CHRDL1: variants seen among roughly 807,000 people sequenced by gnomAD.
CHRDL1 encodes the protein chordin-like protein 1.
CHRDL1 carries 19 observed loss-of-function variants against 40.9 expected under a neutral mutation model. The ratio of observed to expected loss-of-function variants is 0.46; its 90% confidence interval spans 0.32 to 0.68. The LOEUF (loss-of-function observed/expected upper bound fraction) is 0.68, where lower values mean the gene tolerates loss of function less well. Among genes scored for constraint, CHRDL1 ranks in the 30% least tolerant of loss-of-function variants. The probability of loss-of-function intolerance (pLI) is 0.03; values close to 1 mark genes in which losing one functional copy is unlikely to be tolerated. For synonymous variants in CHRDL1, 136 were observed against 123.4 expected, an observed-to-expected ratio of 1.10 and a Z score of -0.68; for missense variants, 329 against 352.1, an observed-to-expected ratio of 0.93 and a Z score of 0.53.
intron 6 of CHRDL1, among the ~76,000 whole-genome samples, chrX:110,711,831 CACTG>C (rs2070751691): frequency 8.9e-6 from 1 of 112,179 alleles, no homozygotes; most frequent in African/African-American, 3.2e-5. Flanking sequence ...TTATCTTGAA[CACTG>C]ACTAATATAC....
At chrX:110,727,437 G>A (rs1294682277) in intron 4 of CHRDL1, among the ~76,000 whole-genome samples, 2 of 112,248 alleles carry the variant, frequency 1.8e-5, no homozygotes, top group African/African-American at 6.5e-5. Flanking sequence ...ATAAGACACT[G>A]TAAAACACTG....
chrX:110,743,002 C>A (rs990090765), intron 4 of CHRDL1, among the ~76,000 whole-genome samples: 1 of 111,872 alleles, frequency 8.9e-6, no homozygotes, highest in African/African-American at 3.3e-5. Context: ...TGCCATACAC[C>A]ACAGTAACCA....
chrX:110,760,747 T>C (rs1011448979), intron 3 of CHRDL1, among the ~76,000 whole-genome samples: 35 of 112,092 alleles, frequency 3.1e-4, no homozygotes, highest in African/African-American at 1.1e-3. Flanking sequence ...GCTTCTTTTA[T>C]CCAAATTGGA....
chrX:110,752,511 C>G (rs2089377022), intron 4 of CHRDL1, among the ~76,000 whole-genome samples: 1 of 111,456 alleles, frequency 9.0e-6, no homozygotes, highest in Non-Finnish European at 1.9e-5. Context: ...CATGGAGGGT[C>G]TAGTGATCAA....
chrX:110,751,721 A>G (rs1408466125), intron 4 of CHRDL1, among the ~76,000 whole-genome samples: 1 of 111,783 alleles, frequency 8.9e-6, no homozygotes, highest in Non-Finnish European at 1.9e-5. Flanking sequence ...GAGGCTTCTT[A>G]AAAAAGCTAC....
Position 110,689,456 on chromosome X carries a change from ATC to A in CHRDL1, c.779-655_779-654del, listed in dbSNP as rs1175694093. Among the ~76,000 whole-genome samples, 17 of 56,015 alleles carry A rather than the reference ATC, an allele frequency of 3.0e-4. 1 individual carries two copies. The African/African-American group carries it at 3.6e-3, about 12-fold the overall frequency. 48.6% of individuals were successfully genotyped at this position (56,015 alleles called of 115,157 possible). On this transcript the variant is annotated intron_variant, in intron 8 of 11. Transcript: ENST00000372042. Reference sequence around the variant, plus strand: ...TCTATATATCTATATATATCTATATATCTATATATATCTATATATCTATATAT... The same window carrying A: ...TCTATATATCTATATATATCTATATATATATATATCTATATATCTATATAT...
chrX:110,697,172 C>T lies in CHRDL1; in HGVS notation c.610-2841G>A, dbSNP rs775806714. 2.7e-5 allele frequency among the ~76,000 whole-genome samples: 3 copies of T among 110,960 alleles called. No homozygotes were observed. In the South Asian group the frequency reaches 1.2e-3, roughly 43 times the overall value. On this transcript the variant is annotated intron_variant, in intron 7 of 11. Coordinates refer to ENST00000372042, the MANE Select transcript of CHRDL1 (RefSeq NM_001143981.2). The stretch of plus-strand genomic sequence containing the variant: ...TTTTTTGATTTACTTACTTGAAAGA[C>T]TGAAAAATATTTCAGGCTTTAGAGG...
chrX:110,681,698 A>T (rs1176124005), intron 9 of CHRDL1, 49 bp from the exon 10 acceptor site: 7 of 971,976 alleles, frequency 7.2e-6, no homozygotes, highest in Non-Finnish European at 8.7e-6. Context: ...CTAAAGCTAG[A>T]AGTGAACTTC....
rs373015261 is a variant in CHRDL1, at chrX:110,787,249, T to A, written c.94+4839A>T. Among the ~76,000 whole-genome samples the A allele has an allele frequency of 1.3e-4, 14 of 111,316 alleles. No individual in the cohort carries two copies. In the East Asian group the frequency reaches 1.4e-3, roughly 11 times the overall value. On this transcript the variant is annotated intron_variant, in intron 2 of 11. Transcript: ENST00000372042. ...CAAATGACAATGCTCACGCTCATTA[T>A]GCTATTATTTCCCCCACTGTACTGA... is the stretch of plus-strand genomic sequence containing the variant.
chrX:110,688,588 A>G lies in CHRDL1; in HGVS notation c.988+6T>C. 2 of 1,199,537 alleles carry G rather than the reference A, an allele frequency of 1.7e-6. No individual in the cohort carries two copies. The highest frequency in any genetic ancestry group is 3.5e-5 in the South Asian group (2 of 56,666). On this transcript the variant is annotated splice_donor_region_variant and intron_variant, in intron 9 of 11. Coordinates refer to ENST00000372042, the MANE Select transcript of CHRDL1 (RefSeq NM_001143981.2). ...CAACCAAAAGCAGGGCCTCCAACCA[A>G]CGCACCTTTTGCTTTTTTACCTGGA...
chrX:110,757,694 G>C (rs2089478916), intron 4 of CHRDL1, among the ~76,000 whole-genome samples: 1 of 111,805 alleles, frequency 8.9e-6, no homozygotes, highest in African/African-American at 3.2e-5. Context: ...AGAAGGAAAA[G>C]AAAAGGAATA....
chrX:110,700,558 C>G (rs760619012), intron 7 of CHRDL1, 96 bp downstream of exon 7: 2 of 598,973 alleles, frequency 3.3e-6, no homozygotes, highest in South Asian at 5.6e-5. Flanking sequence ...AGAAATCGGG[C>G]CTTTTTTTTG....
intron 7 of CHRDL1, 123 bp downstream of exon 7, chrX:110,700,531 G>A: frequency 2.0e-6 from 1 of 511,999 alleles, no homozygotes; most frequent in Non-Finnish European, 3.4e-6. Flanking sequence ...TTGAGAAAAG[G>A]GAAGAAAAAT....
chrX:110,711,738 G>C (rs1448702548), intron 6 of CHRDL1, among the ~76,000 whole-genome samples: 1 of 111,809 alleles, frequency 8.9e-6, no homozygotes, highest in Non-Finnish European at 1.9e-5. Context: ...TGAAGATCCC[G>C]GATTCTAGCT....
intron 4 of CHRDL1, among the ~76,000 whole-genome samples, chrX:110,722,197 A>ATC (rs1430887818): frequency 9.2e-6 from 1 of 109,004 alleles, no homozygotes; most frequent in Admixed American, 9.7e-5. Flanking sequence ...GGGTTTCACC[A>ATC]TGTTGACCAG....
At chrX:110,721,642 C>A in intron 4 of CHRDL1, 112 bp from the exon 5 acceptor site, 1 of 575,487 alleles carries the variant, frequency 1.7e-6, no homozygotes. Flanking sequence ...TAAGACAGTC[C>A]CCGCTCCAGT....
At chrX:110,787,978 G>A (rs2090043020) in intron 2 of CHRDL1, among the ~76,000 whole-genome samples, 1 of 112,392 alleles carries the variant, frequency 8.9e-6, no homozygotes, top group African/African-American at 3.2e-5. Context: ...AAACTCTTCA[G>A]CCCATTTATC....
chrX:110,742,141 A>T (rs966874395), intron 4 of CHRDL1, among the ~76,000 whole-genome samples: 7 of 112,290 alleles, frequency 6.2e-5, no homozygotes, highest in Admixed American at 3.8e-4. Flanking sequence ...CTTACTTTCT[A>T]AAGTAACCAG....
At chrX:110,783,286 C>T (rs2089972718) in intron 2 of CHRDL1, among the ~76,000 whole-genome samples, 1 of 111,395 alleles carries the variant, frequency 9.0e-6, no homozygotes, top group Admixed American at 9.5e-5. Flanking sequence ...TGCCACTGTG[C>T]CCAACCTCAG....
Sources: gnomAD v4.1 joint callset for allele counts (sites outside exome capture counted in the v4.1 genomes callset) on GRCh38, gnomAD v4.1.1 for gene constraint, MANE v1.5 for transcripts, NCBI Gene and HGNC (gene_info 2026-07-23, HGNC 2026-07-21) for gene names.